The following KPNA5 variants were observed in gnomAD, a reference collection of about 807,000 sequenced individuals.
KPNA5 encodes karyopherin subunit alpha 5, also known as importin subunit alpha-6.
Under a neutral mutation model 71.3 loss-of-function variants are expected in KPNA5, and 46 were observed. The ratio of observed to expected loss-of-function variants is 0.65; its 90% CI spans 0.51 to 0.83. KPNA5 has a LOEUF of 0.83. Ranked by LOEUF, KPNA5 falls within the 40% of genes least tolerant of loss-of-function variation. The pLI, the probability that KPNA5 is intolerant of heterozygous loss-of-function variation, is 0.00. For missense variants in KPNA5, 547 were observed against 628.3 expected, an observed-to-expected ratio of 0.87 and a Z score of 1.38; for synonymous variants, 207 against 201.4, an observed-to-expected ratio of 1.03 and a Z score of -0.24.
chr6:116,726,549 G>C lies in KPNA5; in HGVS notation c.1180G>C (p.Glu394Gln). Residue 394 changes from glutamate to glutamine, a missense_variant, in exon 12 of 14, where the codon GAG becomes CAG. Physicochemically the swap from Glu to Gln is conservative, Grantham distance 29. Coordinates refer to ENST00000368564, the MANE Select transcript of KPNA5 (RefSeq NM_001366306.2). ...TTTGATTGAGATTCTTCAGAAAGCA[G>C]AGTTTCGTACCAGAAAAGAAGCAGC... The part of the protein sequence containing the change: ...PVLIEILQKA[E>Q]FRTRKEAAWA... 1 of 1,612,512 alleles carries C rather than the reference G, an allele frequency of 6.2e-7. No homozygotes were observed. The highest frequency in any genetic ancestry group is 8.5e-7 in the Non-Finnish European group (1 of 1,179,078).
chr6:116,726,627 G>C lies in KPNA5; in HGVS notation c.1253+5G>C. The stretch of plus-strand genomic sequence containing the variant: ...AGGTACTCCAGAGCAAATAAGGTAT[G>C]ATATAAACTTCTTAATTGTTTTTTA... On this transcript the variant is annotated splice_donor_5th_base_variant and intron_variant, in intron 12 of 13. Coordinates refer to ENST00000368564, the MANE Select transcript of KPNA5 (RefSeq NM_001366306.2). The C allele has an allele frequency of 6.4e-7, 1 of 1,563,984 alleles. No homozygotes were observed. The highest frequency in any genetic ancestry group is 8.6e-7 in the Non-Finnish European group (1 of 1,162,520).
intron 4 of KPNA5, among the ~76,000 whole-genome samples, chr6:116,694,279 C>G (rs1777929286): frequency 6.6e-6 from 1 of 152,162 alleles, no homozygotes; most frequent in African/African-American, 2.4e-5. Flanking sequence ...TGAAGAAAGT[C>G]ATTAATAGCT....
Position 116,689,341 on chromosome 6 carries a change from A to G in KPNA5, c.26A>G (p.Lys9Arg), listed in dbSNP as rs747422546. The stretch of plus-strand genomic sequence containing the variant: ...TAAGATGCCATGGCTAGTCCAGGGA[A>G]AGATAACTATAGAATGAAAAGTTAT... The part of the protein sequence containing the change: MDAMASPG[K>R]DNYRMKSYKN... Residue 9 changes from lysine to arginine, a missense_variant, in exon 2 of 14, where the codon AAA becomes AGA. Lys to Arg is a conservative substitution (Grantham distance 26, BLOSUM62 2). Coordinates refer to ENST00000368564, the MANE Select transcript of KPNA5 (RefSeq NM_001366306.2). 3.7e-6 allele frequency: 6 copies of G among 1,604,388 alleles called. No individual in the cohort carries two copies. The highest frequency in any genetic ancestry group is 5.1e-6 in the Non-Finnish European group (6 of 1,177,536).
At chr6:116,690,642 CAA>C (rs1283337605) in intron 2 of KPNA5, among the ~76,000 whole-genome samples, 23 of 62,192 alleles carry the variant, frequency 3.7e-4, no homozygotes, top group Admixed American at 7.3e-4. Context: ...GACTCCATCT[CAA>C]AAAAAAAAAA....
At chr6:116,713,002 A>G (rs1778760781) in intron 7 of KPNA5, among the ~76,000 whole-genome samples, 1 of 152,146 alleles carries the variant, frequency 6.6e-6, no homozygotes, top group African/African-American at 2.4e-5. Context: ...TGTTATTGCC[A>G]CAAATTGCAT....
intron 2 of KPNA5, among the ~76,000 whole-genome samples, chr6:116,690,221 TAGGCAAGGCCTATTTCAGA>T: frequency 6.6e-6 from 1 of 152,344 alleles, no homozygotes; most frequent in South Asian, 2.1e-4. Flanking sequence ...AGGCATGTAA[TAGGCAAGGCCTATTTCAGA>T]AATATGATAA....
In KPNA5 at chr6:116,722,294, C is replaced by A; in HGVS notation, c.920+5C>A. The A allele has an allele frequency of 6.3e-7, 1 of 1,598,042 alleles. No individual in the cohort carries two copies. Among genetic ancestry groups the A allele is most frequent in the Non-Finnish European group, 8.5e-7 (1 of 1,170,840 alleles). On this transcript the variant is annotated splice_donor_5th_base_variant and intron_variant, in intron 9 of 13. Transcript: ENST00000368564. ...AAGATTGGTGGAACTTTTGATGTAA[C>A]TATAAATAATTTATGCTTAATAATT... is the stretch of plus-strand genomic sequence containing the variant.
Position 116,689,436 on chromosome 6 carries a change from C to A in KPNA5, c.121C>A (p.Gln41Lys). The A allele has an allele frequency of 3.2e-6, 5 of 1,575,788 alleles. No homozygotes were observed. The highest frequency in any genetic ancestry group is 2.8e-5 in the African/African-American group (2 of 72,432). The change falls in exon 2 of 14, where the codon CAA (glutamine) becomes AAA (lysine). Residue 41 changes from glutamine (Q) to lysine (K), a missense_variant. By Grantham distance (53) the Gln-to-Lys change is moderately conservative. Transcript: ENST00000368564. ...AGAAGAAGGAATACAGCTTAGAAAA[C>A]AAAAAAGAGAAGAACAGGTAGGTGT... ...REEEGIQLRKQKREEQLFKRR... is the reference protein window; with the variant it reads ...REEEGIQLRKKKREEQLFKRR...
intron 1 of KPNA5, among the ~76,000 whole-genome samples, chr6:116,687,646 C>G (rs1215466018): frequency 6.6e-6 from 1 of 152,176 alleles, no homozygotes; most frequent in Non-Finnish European, 1.5e-5. Flanking sequence ...TATTCTCTGT[C>G]TTATGTTATC....
chr6:116,712,179 G>A lies in KPNA5; in HGVS notation c.657-4040G>A, dbSNP rs773483239. On this transcript the variant is annotated intron_variant, in intron 7 of 13. Coordinates refer to ENST00000368564, the MANE Select transcript of KPNA5 (RefSeq NM_001366306.2). Reference sequence around the variant, plus strand: ...TGGTCTCGAACTTTTGGCCTCAGGCGATCTACCCACCTTAGCCTCCCAAAG... The same window carrying A: ...TGGTCTCGAACTTTTGGCCTCAGGCAATCTACCCACCTTAGCCTCCCAAAG... Among the ~76,000 whole-genome samples, 4 of 152,078 alleles carry A rather than the reference G, an allele frequency of 2.6e-5. No individual in the cohort carries two copies. The South Asian group carries it at 6.2e-4, about 24-fold the overall frequency.
rs1157756428 is a variant in KPNA5 at position 116,692,537 on chromosome 6, A to G, written c.340+145A>G. On this transcript the variant is annotated intron_variant, in intron 4 of 13. Transcript: ENST00000368564. ...TCTGCAAAATATATTGTAAAGTAAC[A>G]TCCGTTTTTGAACATGATGTTACCA... The G allele has an allele frequency of 5.1e-6, 3 of 583,806 alleles. No homozygotes were observed. The East Asian group carries it at 9.4e-5, about 18-fold the overall frequency. 36.2% of individuals were successfully genotyped at this position (583,806 alleles called of 1,614,324 possible).
Position 116,738,838 on chromosome 6 carries a change from G to C in KPNA5, c.*6515G>C, listed in dbSNP as rs1196907438. ...AAAAACTCTCAATAAATTAGGTATT[G>C]ATGGGACGTATCTCCAAATAATAAG... On this transcript the variant is annotated 3_prime_UTR_variant, in exon 14 of 14. Transcript: ENST00000368564. 3.3e-5 allele frequency: 5 copies of C among 152,122 alleles called. No individual in the cohort carries two copies. The highest frequency in any genetic ancestry group is 4.4e-5 in the Non-Finnish European group (3 of 68,026). The allele number at this position is 152,122 out of a possible 1,614,324, so 9.4% of individuals were successfully genotyped here.
intron 8 of KPNA5, among the ~76,000 whole-genome samples, chr6:116,718,343 A>G (rs536794815): frequency 6.7e-6 from 1 of 148,552 alleles, no homozygotes; most frequent in African/African-American, 2.5e-5. Context: ...GCTCACTGCA[A>G]CCTCCGCCTC....
chr6:116,731,362 C>T (rs771464849), intron 13 of KPNA5, among the ~76,000 whole-genome samples: 9 of 152,138 alleles, frequency 5.9e-5, no homozygotes, highest in Non-Finnish European at 1.0e-4. Context: ...TGTCTTACTA[C>T]AGTCATTATT....
In KPNA5 at chr6:116,732,224, A is replaced by C. The variant is rs778258316; in HGVS notation, c.1521A>C (p.Val507=). The change falls in exon 14 of 14, where the codon GTA becomes GTC. Residue 507 remains valine (V), a synonymous_variant. Coordinates refer to ENST00000368564, the MANE Select transcript of KPNA5 (RefSeq NM_001366306.2). The stretch of plus-strand genomic sequence containing the variant: ...ATCTGATTGAACATTACTTTGGTGT[A>C]GAAGAAGATGACCCCAGCATTGTAC... ...AFDLIEHYFG[V]EEDDPSIVPQ... 1 of 1,594,166 alleles carries C rather than the reference A, an allele frequency of 6.3e-7. No individual in the cohort carries two copies. Among genetic ancestry groups the C allele is most frequent in the South Asian group, 1.1e-5 (1 of 87,566 alleles).
intron 4 of KPNA5, among the ~76,000 whole-genome samples, chr6:116,695,262 A>G (rs1199574345): frequency 6.6e-6 from 1 of 152,144 alleles, no homozygotes; most frequent in East Asian, 1.9e-4. Context: ...ATAAATGCTT[A>G]TATAATAGTA....
At chr6:116,716,408 T>G (rs1778891260) in intron 8 of KPNA5, 90 bp downstream of exon 8, 1 of 829,968 alleles carries the variant, frequency 1.2e-6, no homozygotes, top group Non-Finnish European at 2.0e-6. Flanking sequence ...AACTCCACTT[T>G]TTGTTTAGTA....
intron 1 of KPNA5, among the ~76,000 whole-genome samples, chr6:116,684,125 C>A (rs1448098623): frequency 6.6e-6 from 1 of 151,658 alleles, no homozygotes; most frequent in Non-Finnish European, 1.5e-5. Flanking sequence ...ATTGGCCAGG[C>A]CGGTCTTGAA....
chr6:116,715,290 A>G (rs529579597), intron 7 of KPNA5, among the ~76,000 whole-genome samples: 74 of 152,196 alleles, frequency 4.9e-4, no homozygotes, highest in African/African-American at 1.8e-3. Context: ...CTTTTTTTCT[A>G]AGGTAAGGAT....
Sources: gnomAD v4.1 joint callset for allele counts (sites outside exome capture counted in the v4.1 genomes callset) on GRCh38, gnomAD v4.1.1 for gene constraint, MANE v1.5 for transcripts, NCBI Gene and HGNC (gene_info 2026-07-23, HGNC 2026-07-21) for gene names.